CCDC40: variants seen among roughly 807,000 people sequenced by gnomAD.
The protein encoded by CCDC40 is coiled-coil domain-containing protein 40.
Under a neutral mutation model 124.5 loss-of-function variants are expected in CCDC40, and 104 were observed. That is an observed-to-expected ratio of 0.84 (90% CI 0.71 to 0.98). CCDC40 has a LOEUF of 0.98. CCDC40 is among the 50% of genes least tolerant of loss of function. The pLI is 0.00. For missense variants in CCDC40, 1,463 were observed against 1,503.9 expected (o/e 0.97, Z 0.45); for synonymous variants, 580 against 602.9 (o/e 0.96, Z 0.56).
At chr17:80,075,016 G>A (rs1013699935) in intron 10 of CCDC40, among the ~76,000 whole-genome samples, 7 of 151,596 alleles carry the variant, frequency 4.6e-5, no homozygotes, top group East Asian at 1.9e-4. Context: ...TCTGCCTCCC[G>A]GATTCCAGTA....
At chr17:80,090,834 C>T in intron 17 of CCDC40, 4 of 1,175,202 alleles carry the variant, frequency 3.4e-6, no homozygotes, top group Non-Finnish European at 4.2e-6. Context: ...AGAAATTCCT[C>T]TGCTGAGTTA....
At chr17:80,068,737 G>A (rs1359528752) in intron 10 of CCDC40, among the ~76,000 whole-genome samples, 1 of 152,074 alleles carries the variant, frequency 6.6e-6, no homozygotes, top group Non-Finnish European at 1.5e-5. Context: ...AGGCACACTT[G>A]TCCTGGAGTT....
At position 80,048,737 on chromosome 17, in the gene CCDC40, G is replaced by A. The variant is rs771932934; in HGVS notation, c.831G>A (p.Gln277=). ...SDEEAEDEGS[Q]LVVLDPDHPL... ...AGGAAGCAGAAGACGAAGGGTCCCA[G>A]CTGGTGGTTTTGGACCCAGACCACG... The change falls in exon 5 of 20, where the codon CAG becomes CAA. Residue 277 remains glutamine (Q), a synonymous_variant. Coordinates refer to ENST00000397545, the MANE Select transcript of CCDC40 (RefSeq NM_017950.4). The A allele has an allele frequency of 1.7e-5, 27 of 1,612,630 alleles. No homozygotes were observed. The highest frequency in any genetic ancestry group is 3.3e-4 in the Middle Eastern group (2 of 6,084).
intron 9 of CCDC40, 23 bp from the exon 10 acceptor site, chr17:80,065,462 G>GC: frequency 6.2e-7 from 1 of 1,612,012 alleles, no homozygotes; most frequent in Non-Finnish European, 8.5e-7. Flanking sequence ...AGCCATTCCT[G>GC]CCCCCTCCCC....
chr17:80,069,196 C>T (rs1282608431), intron 10 of CCDC40, among the ~76,000 whole-genome samples: 1 of 152,126 alleles, frequency 6.6e-6, no homozygotes. Context: ...GATGTCGAGT[C>T]TACAACCTAA....
chr17:80,053,827 G>A (rs144301282), intron 7 of CCDC40, among the ~76,000 whole-genome samples: 5 of 152,270 alleles, frequency 3.3e-5, no homozygotes, highest in East Asian at 3.9e-4. Flanking sequence ...CCCTGACCTC[G>A]TGATCCGCCC....
Position 80,049,897 on chromosome 17 carries a change from T to C in CCDC40, c.856-9T>C, listed in dbSNP as rs1193011376. On this transcript the variant is annotated splice_polypyrimidine_tract_variant and intron_variant, in intron 5 of 19. Coordinates refer to ENST00000397545, the MANE Select transcript of CCDC40 (RefSeq NM_017950.4). ...AAAGGTAACCACCTGTGGTTTTCCA[T>C]TGTTCTAGCCCCTGATGGTAAGATT... 6.2e-7 allele frequency: 1 copy of C among 1,613,500 alleles called. No individual in the cohort carries two copies. The highest frequency in any genetic ancestry group is 8.5e-7 in the Non-Finnish European group (1 of 1,179,504).
intron 17 of CCDC40, chr17:80,090,691 G>T (rs934810703): frequency 5.6e-6 from 8 of 1,426,292 alleles, no homozygotes; most frequent in Non-Finnish European, 7.3e-6. Flanking sequence ...GTCACAATTA[G>T]ATTTCATTGC....
chr17:80,078,613 C>G lies in CCDC40; in HGVS notation c.1563-2933C>G, dbSNP rs527794739. On this transcript the variant is annotated intron_variant, in intron 10 of 19. Transcript: ENST00000397545. The stretch of plus-strand genomic sequence containing the variant: ...GTGTGTGTGTGTCTGTTTCCAGACT[C>G]TCTATTCTGTTCCGTTGATCTTTTT... Among the ~76,000 whole-genome samples the G allele has an allele frequency of 3.7e-4, 57 of 152,246 alleles. No individual in the cohort carries two copies. In the South Asian group the frequency reaches 0.01, roughly 28 times the overall value.
intron 1 of CCDC40, 141 bp from the exon 2 acceptor site, chr17:80,037,982 C>T: frequency 4.5e-6 from 3 of 663,504 alleles, no homozygotes; most frequent in Middle Eastern, 4.0e-4. Flanking sequence ...TCCTGACAAA[C>T]AGGACAAAGA....
chr17:80,093,605 C>T (rs567626595), intron 17 of CCDC40, among the ~76,000 whole-genome samples: 4 of 151,974 alleles, frequency 2.6e-5, no homozygotes, highest in East Asian at 3.9e-4. Context: ...CTCTGCCTCC[C>T]GGGGTTCAAG....
chr17:80,087,219 G>A lies in CCDC40; in HGVS notation c.2450-388G>A. On this transcript the variant is annotated intron_variant, in intron 14 of 19. Coordinates refer to ENST00000397545, the MANE Select transcript of CCDC40 (RefSeq NM_017950.4). This position sits in a 1 kb window ranked among gnomAD's most constrained non-coding sequence, Gnocchi z 4.5. ...GGCTGGGGCAGGGCAGGGGTCTAAG[G>A]GCCTCCCTCTCCTGGAGACTCACAG... 3.0e-6 allele frequency: 1 copy of A among 335,538 alleles called. No individual in the cohort carries two copies. The highest frequency in any genetic ancestry group is 2.7e-5 in the South Asian group (1 of 36,774). The allele number at this position is 335,538 out of a possible 1,614,324, so 20.8% of individuals were successfully genotyped here.
At chr17:80,041,040 A>G (rs1374071694) in intron 3 of CCDC40, among the ~76,000 whole-genome samples, 2 of 152,232 alleles carry the variant, frequency 1.3e-5, no homozygotes, top group African/African-American at 2.4e-5. Context: ...CTGCGTTCTT[A>G]TATTTTTTCA....
Position 80,095,396 on chromosome 17 carries a change from C to T in CCDC40, c.2966C>T (p.Thr989Ile). 1 of 1,614,140 alleles carries T rather than the reference C, an allele frequency of 6.2e-7. No individual in the cohort carries two copies. Among genetic ancestry groups the T allele is most frequent in the Middle Eastern group, 1.6e-4 (1 of 6,062 alleles). Reference sequence around the variant, plus strand: ...ATGGACAGGAAGGCGCTCACCCGCACCGACTTCCACCACAAGCAGCTTGAG... The same window carrying T: ...ATGGACAGGAAGGCGCTCACCCGCATCGACTTCCACCACAAGCAGCTTGAG... ...RKMDRKALTRTDFHHKQLELR... is the reference protein window; with the variant it reads ...RKMDRKALTRIDFHHKQLELR... Residue 989 changes from threonine (T) to isoleucine (I), a missense_variant, in exon 18 of 20, where the codon ACC becomes ATC. Transcript: ENST00000397545.
intron 10 of CCDC40, among the ~76,000 whole-genome samples, chr17:80,069,539 C>G (rs986986700): frequency 2.8e-4 from 42 of 152,238 alleles, no homozygotes; most frequent in African/African-American, 8.2e-4. Flanking sequence ...AGCTCAGGAG[C>G]TGGAGATTGA....
chr17:80,067,478 C>T (rs1454846587), intron 10 of CCDC40: 1 of 929,810 alleles, frequency 1.1e-6, no homozygotes, highest in South Asian at 1.4e-5. Context: ...CACTGTTCTG[C>T]ACCTCTTTGC....
chr17:80,087,304 G>A lies in CCDC40; in HGVS notation c.2450-303G>A, dbSNP rs1197926849. 6.5e-6 allele frequency: 3 copies of A among 464,594 alleles called. No individual in the cohort carries two copies. The highest frequency in any genetic ancestry group is 4.3e-5 in the South Asian group (2 of 47,050). The allele number at this position is 464,594 out of a possible 1,614,324, so 28.8% of individuals were successfully genotyped here. ...GATTTGCAAGTGTCTGGGGGAGGGAGCCTGGCCCTCCCACACGCCCTGCCC... is the reference window on the plus strand; with the variant it reads ...GATTTGCAAGTGTCTGGGGGAGGGAACCTGGCCCTCCCACACGCCCTGCCC... On this transcript the variant is annotated intron_variant, in intron 14 of 19. Coordinates refer to ENST00000397545, the MANE Select transcript of CCDC40 (RefSeq NM_017950.4). This position sits in a 1 kb window ranked among gnomAD's most constrained non-coding sequence, Gnocchi z 4.5.
intron 7 of CCDC40, among the ~76,000 whole-genome samples, chr17:80,056,002 A>T (rs866091866): frequency 0.23 from 1,742 of 7,656 alleles, 271 homozygotes; most frequent in Non-Finnish European, 0.39. Flanking sequence ...ATATATATAT[A>T]TATATATATA....
In CCDC40 at chr17:80,055,993, TATATATATATA is replaced by T. The variant is rs1568682482; in HGVS notation, c.1160-2500_1160-2490del. 8.4e-4 allele frequency among the ~76,000 whole-genome samples: 10 copies of T among 11,912 alleles called. 1 individual carries two copies. Among genetic ancestry groups the T allele is most frequent in the Non-Finnish European group, 1.9e-3 (9 of 4,752 alleles). 7.8% of individuals were successfully genotyped at this position (11,912 alleles called of 152,430 possible). A position where few individuals can be genotyped will look rare whatever the true frequency, so the allele number is the denominator to read the frequency against. ...CCTGGCTAATTTTCATATATATATA[TATATATATATA>T]TATATATATATATTTTTTTTTTTTT... is the stretch of plus-strand genomic sequence containing the variant. On this transcript the variant is annotated intron_variant, in intron 7 of 19. Coordinates refer to ENST00000397545, the MANE Select transcript of CCDC40 (RefSeq NM_017950.4).
Sources: allele counts gnomAD v4.1 joint callset (sites outside exome capture counted in the v4.1 genomes callset), GRCh38; gene constraint gnomAD v4.1.1; non-coding constraint Gnocchi (gnomAD v3.1); transcripts MANE v1.5; gene names NCBI Gene and HGNC (gene_info 2026-07-23, HGNC 2026-07-21).